SEMA4D: variants seen among roughly 807,000 people sequenced by gnomAD.
SEMA4D encodes the protein semaphorin 4D.
SEMA4D carries 22 observed loss-of-function variants against 74.8 expected under a neutral mutation model. The observed-to-expected ratio is 0.29, with a 90% CI of 0.21 to 0.42. The LOEUF (loss-of-function observed/expected upper bound fraction) is 0.42. SEMA4D is among the 10% of genes least tolerant of loss of function. The pLI is 1.00. For missense variants in SEMA4D, 937 were observed against 1,118.4 expected (o/e 0.84, Z 2.31); for synonymous variants, 445 against 463.7 (o/e 0.96, Z 0.52).
intron 1 of SEMA4D, among the ~76,000 whole-genome samples, chr9:89,485,234 C>T (rs1038819354): frequency 3.3e-5 from 5 of 152,144 alleles, no homozygotes; most frequent in African/African-American, 7.2e-5. Context: ...GTTCTTAACA[C>T]ATGATGTATT....
intron 1 of SEMA4D, among the ~76,000 whole-genome samples, chr9:89,461,700 C>CTCTCTCTCTTTTTTTTTT (rs71281350): frequency 9.6e-6 from 1 of 103,662 alleles, no homozygotes; most frequent in South Asian, 3.8e-4. Flanking sequence ...TCTTTTTTCT[C>CTCTCTCTCTTTTTTTTTT]TTTTTTTTTT....
At chr9:89,424,813 C>G (rs982593656) in intron 2 of SEMA4D, among the ~76,000 whole-genome samples, 2 of 152,252 alleles carry the variant, frequency 1.3e-5, no homozygotes, top group African/African-American at 4.8e-5. Context: ...GCTCCACCTT[C>G]TTACGGCCCC....
intron 16 of SEMA4D, among the ~76,000 whole-genome samples, chr9:89,371,454 CT>C (rs1834757268): frequency 7.3e-5 from 2 of 27,466 alleles, no homozygotes; most frequent in Non-Finnish European, 6.7e-5. Context: ...TGGTGTGTGT[CT>C]GGGGTGTGTG....
chr9:89,451,553 G>C (rs9410485), intron 2 of SEMA4D, among the ~76,000 whole-genome samples: 146,453 of 152,284 alleles, frequency 0.96, 70,637 homozygotes, highest in Non-Finnish European at 1. Context: ...AAAGAAAAAC[G>C]AAGAACCAGA....
chr9:89,370,382 C>G (rs1183898411), intron 16 of SEMA4D, among the ~76,000 whole-genome samples: 1 of 145,184 alleles, frequency 6.9e-6, no homozygotes, highest in Non-Finnish European at 1.5e-5. Context: ...TGTGGTGTAT[C>G]TGATATATGC....
At chr9:89,458,629 A>G (rs1380229633) in intron 1 of SEMA4D, among the ~76,000 whole-genome samples, 1 of 152,082 alleles carries the variant, frequency 6.6e-6, no homozygotes, top group Admixed American at 6.5e-5. Flanking sequence ...CCACATACCC[A>G]TGTAAGCACA....
At chr9:89,407,031 C>G (rs768174270) in intron 2 of SEMA4D, among the ~76,000 whole-genome samples, 1 of 150,370 alleles carries the variant, frequency 6.7e-6, no homozygotes, top group East Asian at 2.0e-4. Flanking sequence ...CTCCTCCTGT[C>G]CATCTCCACC....
chr9:89,362,181 T>A, exon 19 of SEMA4D: 9 of 654,516 alleles, frequency 1.4e-5, no homozygotes, highest in Admixed American at 2.9e-5. Flanking sequence ...GCACCTAATT[T>A]TTTAAGTCTT....
At chr9:89,487,637 CA>C (rs1166239949) in intron 1 of SEMA4D, among the ~76,000 whole-genome samples, 2 of 151,730 alleles carry the variant, frequency 1.3e-5, no homozygotes, top group African/African-American at 4.8e-5. Flanking sequence ...TGAGGGACTA[CA>C]AAAAAAGCTA....
chr9:89,371,359 G>A (rs1834701482), intron 16 of SEMA4D, among the ~76,000 whole-genome samples: 1 of 129,550 alleles, frequency 7.7e-6, no homozygotes, highest in African/African-American at 3.0e-5. Flanking sequence ...GTGTTGGGGT[G>A]TGTGTGTCTG....
chr9:89,426,090 G>A, intron 2 of SEMA4D, among the ~76,000 whole-genome samples: 1 of 152,326 alleles, frequency 6.6e-6, no homozygotes, highest in African/African-American at 2.4e-5. Context: ...AGTGTCCGCA[G>A]GGGGAGCGCA....
At chr9:89,413,729 A>G (rs1048554656) in intron 2 of SEMA4D, among the ~76,000 whole-genome samples, 9 of 152,230 alleles carry the variant, frequency 5.9e-5, no homozygotes, top group Non-Finnish European at 1.5e-5. Context: ...ATGTGTGTGT[A>G]TAATGTATGT....
chr9:89,403,468 A>G (rs1259183876), intron 3 of SEMA4D, among the ~76,000 whole-genome samples: 1 of 152,216 alleles, frequency 6.6e-6, no homozygotes, highest in Non-Finnish European at 1.5e-5. Context: ...ATTCAGGAAA[A>G]GAATGTTTTA....
At chr9:89,362,370 T>C in exon 19 of SEMA4D, 1 of 1,614,002 alleles carries the variant, frequency 6.2e-7, no homozygotes, top group Non-Finnish European at 8.5e-7. Context: ...TTGTTGGGGT[T>C]GAGGTCGGTG....
chr9:89,362,167 G>C, exon 19 of SEMA4D: 1 of 617,950 alleles, frequency 1.6e-6, no homozygotes, highest in Non-Finnish European at 2.8e-6. Flanking sequence ...ACTGTCCCAG[G>C]TAAGCACCTA....
chr9:89,446,549 A>G (rs1852905045), intron 2 of SEMA4D, among the ~76,000 whole-genome samples: 1 of 152,224 alleles, frequency 6.6e-6, no homozygotes, highest in South Asian at 2.1e-4. Flanking sequence ...CTCCATGATA[A>G]GCACCACGGG....
At chr9:89,489,178 A>G (rs1421117567) in intron 1 of SEMA4D, among the ~76,000 whole-genome samples, 1 of 152,248 alleles carries the variant, frequency 6.6e-6, no homozygotes, top group Non-Finnish European at 1.5e-5. Context: ...GGAACGTAAA[A>G]TGATACAACT....
intron 18 of SEMA4D, among the ~76,000 whole-genome samples, chr9:89,363,274 C>CG (rs148589026): frequency 3.3e-5 from 5 of 152,240 alleles, no homozygotes; most frequent in East Asian, 1.9e-4. Context: ...ATTTCCCCCC[C>CG]CAGTGTTGCA....
chr9:89,378,297 T>C lies in SEMA4D; in HGVS notation c.*407A>G. ...GCGATAAGTTACCAATCTGATAAAC[T>C]AAAATGTCATTTCCAATCTGGAATT... is the stretch of plus-strand genomic sequence containing the variant. On this transcript the variant is annotated 3_prime_UTR_variant, in exon 16 of 16. Transcript: ENST00000422704. The C allele has an allele frequency of 5.9e-6, 1 of 170,262 alleles. No individual in the cohort carries two copies. Among genetic ancestry groups the C allele is most frequent in the East Asian group, 1.6e-4 (1 of 6,112 alleles). 10.5% of individuals were successfully genotyped at this position (170,262 alleles called of 1,614,324 possible). A position where few individuals can be genotyped will look rare whatever the true frequency, so the allele number is the denominator to read the frequency against.
Sources: allele counts gnomAD v4.1 joint callset (sites outside exome capture counted in the v4.1 genomes callset), GRCh38; gene constraint gnomAD v4.1.1; transcripts MANE v1.5; gene names NCBI Gene and HGNC (gene_info 2026-07-23, HGNC 2026-07-21).